IFIT5: variants seen among roughly 807,000 people sequenced by gnomAD.
IFIT5 encodes the protein interferon induced protein with tetratricopeptide repeats 5, also known as interferon-induced protein with tetratricopeptide repeats 5.
Under a neutral mutation model 5.0 loss-of-function variants are expected in IFIT5, and 2 were observed. That is an observed-to-expected ratio of 0.40 (90% CI 0.16 to 1.26). The LOEUF (loss-of-function observed/expected upper bound fraction) is 1.26, where lower values mean the gene tolerates loss of function less well. Among genes scored for constraint, IFIT5 ranks in the 50% most tolerant of loss-of-function variants. IFIT5 has a pLI of 0.33. For missense variants in IFIT5, 524 were observed against 563.2 expected (o/e 0.93, Z 0.70); for synonymous variants, 206 against 204.6 (o/e 1.01, Z -0.06).
At chr10:89,414,977 C>G (rs1244648653) in intron 1 of IFIT5, among the ~76,000 whole-genome samples, 174 bp downstream of exon 1, 2 of 152,162 alleles carry the variant, frequency 1.3e-5, no homozygotes, top group Non-Finnish European at 2.9e-5. Context: ...TGTCCCGGCG[C>G]GCGGCGTCTG....
intron 1 of IFIT5, among the ~76,000 whole-genome samples, chr10:89,416,214 C>T (rs1035309998): frequency 6.6e-6 from 1 of 152,194 alleles, no homozygotes; most frequent in African/African-American, 2.4e-5. Flanking sequence ...TGAGCCACAA[C>T]GCCTGGCCAC....
intron 1 of IFIT5, among the ~76,000 whole-genome samples, chr10:89,415,052 G>C (rs936903886): frequency 1.3e-5 from 2 of 152,116 alleles, no homozygotes; most frequent in African/African-American, 4.8e-5. Flanking sequence ...CCTCCCCAGC[G>C]CCTAAGAAGG....
At chr10:89,416,181 C>T (rs1841535880) in intron 1 of IFIT5, among the ~76,000 whole-genome samples, 2 of 142,088 alleles carry the variant, frequency 1.4e-5, no homozygotes, top group East Asian at 4.2e-4. Flanking sequence ...CCTCAGCCTC[C>T]CAAAGTGCTG....
chr10:89,415,918 C>G (rs1328431717), intron 1 of IFIT5, among the ~76,000 whole-genome samples: 1 of 152,186 alleles, frequency 6.6e-6, no homozygotes, highest in Non-Finnish European at 1.5e-5. Flanking sequence ...TTAAGTGCCA[C>G]CCACACATCT....
chr10:89,417,262 A>G lies in IFIT5; in HGVS notation c.63A>G (p.Thr21=), dbSNP rs755374174. 1.2e-6 allele frequency: 2 copies of G among 1,612,576 alleles called. No individual in the cohort carries two copies. Among genetic ancestry groups the G allele is most frequent in the African/African-American group, 1.3e-5 (1 of 74,922 alleles). The stretch of plus-strand genomic sequence containing the variant: ...TGTTGGAGTTAGAATGTCATTTTAC[A>G]TGGAATTTACTTAAGGAAGACATTG... ...AILLELECHF[T]WNLLKEDIDL... Residue 21 remains threonine, a synonymous_variant, in exon 2 of 2, where the codon ACA becomes ACG. Transcript: ENST00000371795.
chr10:89,417,772 T>C lies in IFIT5; in HGVS notation c.573T>C (p.Asp191=), dbSNP rs1245104855. ...AITVYRLDDS[D]REGSVKSFSL... ...CAGTGTATCGGCTGGATGATTCTGATAGAGAAGGGTCTGTAAAGAGCTTTT... is the reference window on the plus strand; with the variant it reads ...CAGTGTATCGGCTGGATGATTCTGACAGAGAAGGGTCTGTAAAGAGCTTTT... The change falls in exon 2 of 2, where the codon GAT becomes GAC. Residue 191 remains aspartate (D), a synonymous_variant. Coordinates refer to ENST00000371795, the MANE Select transcript of IFIT5 (RefSeq NM_012420.3). 5 of 1,614,074 alleles carry C rather than the reference T, an allele frequency of 3.1e-6. No individual in the cohort carries two copies. Among genetic ancestry groups the C allele is most frequent in the Non-Finnish European group, 4.2e-6 (5 of 1,180,042 alleles).
Position 89,420,236 on chromosome 10 carries a change from T to C in IFIT5, c.*1588T>C, listed in dbSNP as rs1025068815. The C allele has an allele frequency of 3.3e-5, 5 of 150,956 alleles. No individual in the cohort carries two copies. Among genetic ancestry groups the C allele is most frequent in the African/African-American group, 1.2e-4 (5 of 40,432 alleles). 9.4% of individuals were successfully genotyped at this position (150,956 alleles called of 1,614,324 possible). A position where few individuals can be genotyped will look rare whatever the true frequency, so the allele number is the denominator to read the frequency against. On this transcript the variant is annotated 3_prime_UTR_variant, in exon 2 of 2. Transcript: ENST00000371795. ...TCTTTTGTTTTACTTAATTCTGTTT[T>C]TATTATTATTATTATTTTGTTTGAT... is the stretch of plus-strand genomic sequence containing the variant.
At position 89,417,209 on chromosome 10, in the gene IFIT5, A is replaced by G; in HGVS notation, c.10A>G (p.Ile4Val). Residue 4 changes from isoleucine to valine, a missense_variant, in exon 2 of 2, where the codon ATT becomes GTT. Ile to Val is a conservative substitution (Grantham distance 29). Coordinates refer to ENST00000371795, the MANE Select transcript of IFIT5 (RefSeq NM_012420.3). ...AAAGTATTTTATCTTTGACAGTGAA[A>G]TTCGTAAGGACACCTTGAAGGCCAT... MSEIRKDTLKAILL... is the reference protein window; with the variant it reads MSEVRKDTLKAILL... The G allele has an allele frequency of 1.3e-6, 2 of 1,565,662 alleles. No individual in the cohort carries two copies. The highest frequency in any genetic ancestry group is 1.7e-6 in the Non-Finnish European group (2 of 1,155,710).
rs114336814 is a variant in IFIT5, at chr10:89,418,391, C to T, written c.1192C>T (p.His398Tyr). 1.9e-3 allele frequency: 3,119 copies of T among 1,614,160 alleles called. 41 individuals are homozygous for T. The African/African-American group carries it at 0.035, about 18-fold the overall frequency. ...FHRKSENTAI[H>Y]HYLEALKVKD... Reference sequence around the variant, plus strand: ...CCGTAAATCAGAAAATACTGCCATCCATCATTATTTAGAAGCCTTAAAGGT... The same window carrying T: ...CCGTAAATCAGAAAATACTGCCATCTATCATTATTTAGAAGCCTTAAAGGT... The change falls in exon 2 of 2, where the codon CAT becomes TAT. Residue 398 changes from histidine to tyrosine, a missense_variant. Coordinates refer to ENST00000371795, the MANE Select transcript of IFIT5 (RefSeq NM_012420.3).
chr10:89,420,036 T>A lies in IFIT5; in HGVS notation c.*1388T>A, dbSNP rs1841583231. On this transcript the variant is annotated 3_prime_UTR_variant, in exon 2 of 2. Transcript: ENST00000371795. ...CTCACTGTAAATTTCAAAAAAAAAT[T>A]ACAAAAGTATGTGAATTTAAAAATG... The A allele has an allele frequency of 6.6e-6, 1 of 151,952 alleles. No individual in the cohort carries two copies. Among genetic ancestry groups the A allele is most frequent in the African/African-American group, 2.4e-5 (1 of 41,298 alleles). 9.4% of individuals were successfully genotyped at this position (151,952 alleles called of 1,614,324 possible). A position where few individuals can be genotyped will look rare whatever the true frequency, so the allele number is the denominator to read the frequency against.
In IFIT5 at chr10:89,417,979, G is replaced by A. The variant is rs775734590; in HGVS notation, c.780G>A (p.Arg260=). 6.2e-7 allele frequency: 1 copy of A among 1,614,152 alleles called. No homozygotes were observed. The highest frequency in any genetic ancestry group is 1.1e-5 in the South Asian group (1 of 91,082). Residue 260 remains arginine (R), a synonymous_variant, in exon 2 of 2, where the codon AGG becomes AGA. Coordinates refer to ENST00000371795, the MANE Select transcript of IFIT5 (RefSeq NM_012420.3). The part of the protein sequence containing the change: ...YVLRYAAKFY[R]RKNSWNKALE... ...TTCGTTATGCAGCCAAGTTCTATAG[G>A]AGAAAAAATTCCTGGAACAAAGCTC... is the stretch of plus-strand genomic sequence containing the variant.
In IFIT5 at chr10:89,414,750, G is replaced by A; in HGVS notation, c.-49G>A. 2 of 1,600,426 alleles carry A rather than the reference G, an allele frequency of 1.2e-6. No homozygotes were observed. Among genetic ancestry groups the A allele is most frequent in the Middle Eastern group, 1.7e-4 (1 of 5,852 alleles). On this transcript the variant is annotated 5_prime_UTR_variant, in exon 1 of 2. Coordinates refer to ENST00000371795, the MANE Select transcript of IFIT5 (RefSeq NM_012420.3). Reference sequence around the variant, plus strand: ...CGCGGTCCCCGGTGCTGAGGAGAGAGCGATCCGAGGGACTGCGCCGCCCGG... The same window carrying A: ...CGCGGTCCCCGGTGCTGAGGAGAGAACGATCCGAGGGACTGCGCCGCCCGG...
chr10:89,417,750 T>C lies in IFIT5; in HGVS notation c.551T>C (p.Val184Ala). ...PEFNIGYAIT[V>A]YRLDDSDREG... is the part of the protein sequence containing the mutation. ...TTTAACATCGGCTATGCTATCACAG[T>C]GTATCGGCTGGATGATTCTGATAGA... Residue 184 changes from valine (V) to alanine (A), a missense_variant, in exon 2 of 2, where the codon GTG becomes GCG. Transcript: ENST00000371795. The C allele has an allele frequency of 6.2e-7, 1 of 1,614,160 alleles. No homozygotes were observed. The highest frequency in any genetic ancestry group is 2.2e-5 in the East Asian group (1 of 44,880).
In IFIT5 at chr10:89,420,908, A is replaced by T. The variant is rs1396988387; in HGVS notation, c.*2260A>T. 2 of 152,214 alleles carry T rather than the reference A, an allele frequency of 1.3e-5. No homozygotes were observed. The highest frequency in any genetic ancestry group is 2.4e-5 in the African/African-American group (1 of 41,448). 9.4% of individuals were successfully genotyped at this position (152,214 alleles called of 1,614,324 possible). A position where few individuals can be genotyped will look rare whatever the true frequency, so the allele number is the denominator to read the frequency against. ...TAGGCTAATAGGCTTAACCCAGGAA[A>T]TCCTAAGTTCCTTGAATATCCAGTT... On this transcript the variant is annotated 3_prime_UTR_variant, in exon 2 of 2. Transcript: ENST00000371795.
At chr10:89,415,949 G>A (rs964498364) in intron 1 of IFIT5, among the ~76,000 whole-genome samples, 1 of 152,182 alleles carries the variant, frequency 6.6e-6, no homozygotes. Flanking sequence ...TTGAGACGGA[G>A]TCTCGCCCTG....
At position 89,414,917 on chromosome 10, in the gene IFIT5, C is replaced by T. The variant is rs304434; in HGVS notation, c.5+114C>T. 15 of 1,360,612 alleles carry T rather than the reference C, an allele frequency of 1.1e-5. No individual in the cohort carries two copies. In the Middle Eastern group the frequency reaches 9.7e-4, roughly 88 times the overall value. The allele number at this position is 1,360,612 out of a possible 1,614,324, so 84.3% of individuals were successfully genotyped here. The stretch of plus-strand genomic sequence containing the variant: ...TGCGGCCTTTTCAGGGGCCGAGCCC[C>T]TCGCGCCCAGCAACCGGGCATCTGC... On this transcript the variant is annotated intron_variant, in intron 1 of 1. Coordinates refer to ENST00000371795, the MANE Select transcript of IFIT5 (RefSeq NM_012420.3).
chr10:89,418,776 CA>C lies in IFIT5; in HGVS notation c.*130del, dbSNP rs774928739. On this transcript the variant is annotated 3_prime_UTR_variant, in exon 2 of 2. Transcript: ENST00000371795. ...TATTTATTGAATAGTTATTGTGTACCAAGCATTGTGCTAAATACTTTATATG... is the reference window on the plus strand; with the variant it reads ...TATTTATTGAATAGTTATTGTGTACCAGCATTGTGCTAAATACTTTATATG... The C allele has an allele frequency of 1.1e-6, 1 of 944,026 alleles. No individual in the cohort carries two copies. Among genetic ancestry groups the C allele is most frequent in the Non-Finnish European group, 1.5e-6 (1 of 645,464 alleles). The allele number at this position is 944,026 out of a possible 1,614,324, so 58.5% of individuals were successfully genotyped here.
At chr10:89,416,196 T>C (rs1841536104) in intron 1 of IFIT5, among the ~76,000 whole-genome samples, 1 of 152,218 alleles carries the variant, frequency 6.6e-6, no homozygotes, top group South Asian at 2.1e-4. Context: ...GTGCTGGGAT[T>C]ACAGGCGTGA....
chr10:89,417,167 A>T (rs1203857991), intron 1 of IFIT5, 38 bp from the exon 2 acceptor site: 1 of 1,488,638 alleles, frequency 6.7e-7, no homozygotes, highest in South Asian at 1.3e-5. Flanking sequence ...TATTTCTTGT[A>T]TTTCTTCAAA....
Sources: allele counts gnomAD v4.1 joint callset (sites outside exome capture counted in the v4.1 genomes callset), GRCh38; gene constraint gnomAD v4.1.1; transcripts MANE v1.5; gene names NCBI Gene and HGNC (gene_info 2026-07-23, HGNC 2026-07-21).